The following CIMIP6 variants were observed in gnomAD, a reference collection of about 807,000 sequenced individuals.
CIMIP6 encodes the protein uncharacterized protein C2orf73.
chr2:54,357,778 G>T, the CIMIP6 span, among the ~76,000 whole-genome samples: 1 of 151,188 alleles, frequency 6.6e-6, no homozygotes, highest in Non-Finnish European at 1.5e-5. Context: ...TAGAGACGGG[G>T]TTTTCACCAT....
chr2:54,358,409 T>C, the CIMIP6 span, among the ~76,000 whole-genome samples: 1 of 152,194 alleles, frequency 6.6e-6, no homozygotes, highest in Non-Finnish European at 1.5e-5. Flanking sequence ...CAATTTTTTT[T>C]TTTTTCCTTA....
the CIMIP6 span, among the ~76,000 whole-genome samples, chr2:54,366,112 T>G: frequency 2.0e-5 from 3 of 152,238 alleles, no homozygotes; most frequent in Admixed American, 2.0e-4. Flanking sequence ...GAAATTTGGC[T>G]GACCAGAATA....
the CIMIP6 span, among the ~76,000 whole-genome samples, chr2:54,336,227 A>G: frequency 0.01 from 1,530 of 152,270 alleles, 28 homozygotes; most frequent in African/African-American, 0.035. Context: ...AATCATTTCT[A>G]TCACCCTCAA....
chr2:54,363,131 G>A, the CIMIP6 span, among the ~76,000 whole-genome samples: 1 of 152,104 alleles, frequency 6.6e-6, no homozygotes, highest in Non-Finnish European at 1.5e-5. Context: ...ACTTTTGTTT[G>A]TTGAGTGTGA....
the CIMIP6 span, among the ~76,000 whole-genome samples, chr2:54,382,526 T>G: frequency 1.3e-5 from 2 of 152,156 alleles, no homozygotes; most frequent in Non-Finnish European, 2.9e-5. Flanking sequence ...CTCCATGCCC[T>G]TTTATTTTTC....
At chr2:54,372,474 C>T in the CIMIP6 span, among the ~76,000 whole-genome samples, 1 of 152,172 alleles carries the variant, frequency 6.6e-6, no homozygotes, top group East Asian at 1.9e-4. Flanking sequence ...TGTGTCCCCT[C>T]TGCGAATCTG....
chr2:54,364,706 A>G, the CIMIP6 span, among the ~76,000 whole-genome samples: 3 of 152,222 alleles, frequency 2.0e-5, no homozygotes, highest in Non-Finnish European at 2.9e-5. Context: ...AAGTATCAAG[A>G]CAAATAACTT....
At chr2:54,361,418 G>A in the CIMIP6 span, 1 of 152,118 alleles carries the variant, frequency 6.6e-6, no homozygotes, top group African/African-American at 2.4e-5. Context: ...ATGTTATATT[G>A]CATACAAGTG....
the CIMIP6 span, among the ~76,000 whole-genome samples, chr2:54,377,546 G>T: frequency 5.6e-4 from 85 of 152,224 alleles, no homozygotes; most frequent in African/African-American, 1.8e-3. Context: ...ATTGGCTCTT[G>T]CAAGCCAATA....
the CIMIP6 span, chr2:54,360,772 G>A: frequency 6.3e-6 from 3 of 476,544 alleles, no homozygotes; most frequent in South Asian, 1.2e-4. Context: ...TTATTTCTAT[G>A]TCACATTCTT....
the CIMIP6 span, among the ~76,000 whole-genome samples, chr2:54,342,688 T>C: frequency 6.6e-6 from 1 of 152,062 alleles, no homozygotes; most frequent in African/African-American, 2.4e-5. Flanking sequence ...ATTTTACCTA[T>C]TAGAATTGCA....
chr2:54,379,591 G>A, the CIMIP6 span, among the ~76,000 whole-genome samples: 1 of 152,140 alleles, frequency 6.6e-6, no homozygotes, highest in Non-Finnish European at 1.5e-5. Flanking sequence ...TGTAATCCCA[G>A]CACTTTGGGA....
the CIMIP6 span, among the ~76,000 whole-genome samples, chr2:54,334,337 C>T: frequency 1.3e-5 from 2 of 152,144 alleles, no homozygotes; most frequent in African/African-American, 4.8e-5. Flanking sequence ...AATAATGGTG[C>T]TCCTTTGGTA....
the CIMIP6 span, among the ~76,000 whole-genome samples, chr2:54,351,445 T>G: frequency 6.6e-6 from 1 of 152,072 alleles, no homozygotes; most frequent in East Asian, 1.9e-4. Context: ...TATGCAGCCA[T>G]AAAAAGGAAT....
At chr2:54,378,803 G>A in the CIMIP6 span, among the ~76,000 whole-genome samples, 1,837 of 152,248 alleles carry the variant, frequency 0.012, 26 homozygotes, top group African/African-American at 0.042. Flanking sequence ...GCTCAAATAA[G>A]CCTCTTTGGA....
At chr2:54,343,072 G>A in the CIMIP6 span, among the ~76,000 whole-genome samples, 3 of 152,082 alleles carry the variant, frequency 2.0e-5, no homozygotes, top group Admixed American at 6.5e-5. Flanking sequence ...TTTCCCCTTA[G>A]AACAAAGTTT....
At chr2:54,373,658 T>C in the CIMIP6 span, among the ~76,000 whole-genome samples, 1 of 152,240 alleles carries the variant, frequency 6.6e-6, no homozygotes, top group East Asian at 1.9e-4. Context: ...TGCCTCCTCC[T>C]CAAAAACTGT....
chr2:54,375,846 T>C, the CIMIP6 span, among the ~76,000 whole-genome samples: 2 of 151,878 alleles, frequency 1.3e-5, no homozygotes, highest in Admixed American at 6.6e-5. Context: ...AGGTAGTATG[T>C]TCCAATTTTT....
At chr2:54,365,881 G>A in the CIMIP6 span, among the ~76,000 whole-genome samples, 16 of 152,286 alleles carry the variant, frequency 1.1e-4, no homozygotes, top group Non-Finnish European at 1.0e-4. Context: ...TAAATTGGAA[G>A]ATAGGACTGA....
Sources: allele counts gnomAD v4.1 joint callset (sites outside exome capture counted in the v4.1 genomes callset), GRCh38; gene constraint gnomAD v4.1.1; transcripts MANE v1.5; gene names NCBI Gene and HGNC (gene_info 2026-07-23, HGNC 2026-07-21).